LIN7A: variants seen among roughly 807,000 people sequenced by gnomAD.
LIN7A encodes lin-7 cell polarity scaffold A, also known as protein lin-7 homolog A.
Under a neutral mutation model 29.8 loss-of-function variants are expected in LIN7A, and 25 were observed. That is an observed-to-expected ratio of 0.84 (90% confidence interval 0.61 to 1.17). LIN7A has a LOEUF of 1.17. LIN7A is among the 50% of genes most tolerant of loss of function. The pLI, the probability that LIN7A is intolerant of heterozygous loss-of-function variation, is 0.00. For synonymous variants in LIN7A, 118 were observed against 107.5 expected (o/e 1.10, Z -0.60); for missense variants, 239 against 287.0 (o/e 0.83, Z 1.21).
At chr12:80,852,534 A>G (rs998468249) in intron 2 of LIN7A, among the ~76,000 whole-genome samples, 16 of 152,324 alleles carry the variant, frequency 1.1e-4, no homozygotes, top group African/African-American at 3.8e-4. Flanking sequence ...TTCACAAACC[A>G]TAACCCATTA....
At chr12:80,920,454 T>C (rs1265190499) in intron 1 of LIN7A, among the ~76,000 whole-genome samples, 3 of 152,172 alleles carry the variant, frequency 2.0e-5, no homozygotes, top group Non-Finnish European at 4.4e-5. Context: ...AAGTATATTG[T>C]TGGTTGTAAG....
Position 80,926,927 on chromosome 12 carries a change from CAAAAAAAAAA to C in LIN7A, c.82+10704_82+10713del, listed in dbSNP as rs35483715. Among the ~76,000 whole-genome samples, 10 of 55,902 alleles carry C rather than the reference CAAAAAAAAAA, an allele frequency of 1.8e-4. No homozygotes were observed. The East Asian group carries it at 2.8e-3, about 16-fold the overall frequency. 36.7% of individuals were successfully genotyped at this position (55,902 alleles called of 152,430 possible). ...TGGGAGACAGTGCGAGACTCCATCT[CAAAAAAAAAA>C]AAAAAAAAAAAAAAATTGACATTGG... On this transcript the variant is annotated intron_variant, in intron 1 of 5. Coordinates refer to ENST00000552864, the MANE Select transcript of LIN7A (RefSeq NM_004664.4).
At chr12:80,903,775 A>G (rs1592938662) in intron 1 of LIN7A, among the ~76,000 whole-genome samples, 1 of 152,066 alleles carries the variant, frequency 6.6e-6, no homozygotes, top group Admixed American at 6.5e-5. Context: ...ACTGTTTTCC[A>G]TAGAAGCTGT....
chr12:80,864,358 G>GA (rs149057356), intron 2 of LIN7A, among the ~76,000 whole-genome samples: 5,193 of 146,546 alleles, frequency 0.035, 115 homozygotes, highest in African/African-American at 0.051. Flanking sequence ...CTTTATTGCT[G>GA]AAAAAAAAAA....
chr12:80,921,682 T>C (rs1877317234), intron 1 of LIN7A, among the ~76,000 whole-genome samples: 4 of 152,030 alleles, frequency 2.6e-5, no homozygotes, highest in Admixed American at 2.6e-4. Context: ...TCAAGTACCA[T>C]CACATTAGGG....
intron 1 of LIN7A, among the ~76,000 whole-genome samples, chr12:80,893,698 A>C (rs868285083): frequency 6.6e-6 from 1 of 152,336 alleles, no homozygotes; most frequent in African/African-American, 2.4e-5. Context: ...GGCATGCCTG[A>C]AAGAAGGGAG....
intron 5 of LIN7A, among the ~76,000 whole-genome samples, chr12:80,799,622 A>G (rs569201842): frequency 6.6e-6 from 1 of 152,340 alleles, no homozygotes; most frequent in South Asian, 2.1e-4. Context: ...AAAATAAAAA[A>G]TAAAAATGTT....
chr12:80,860,824 G>T (rs2120403524), intron 2 of LIN7A: 1 of 152,302 alleles, frequency 6.6e-6, no homozygotes, highest in Middle Eastern at 3.4e-3. Flanking sequence ...ATCTTTGATT[G>T]TGGAAATGTC....
At chr12:80,799,646 G>A (rs1438717522) in intron 5 of LIN7A, among the ~76,000 whole-genome samples, 3 of 151,942 alleles carry the variant, frequency 2.0e-5, no homozygotes, top group African/African-American at 4.8e-5. Context: ...ATAAGTTGTG[G>A]GAACCAAAAA....
intron 1 of LIN7A, among the ~76,000 whole-genome samples, chr12:80,895,123 G>A (rs1875819540): frequency 6.6e-6 from 1 of 152,148 alleles, no homozygotes; most frequent in Non-Finnish European, 1.5e-5. Context: ...TAACACTGCC[G>A]AAAGCCTCAT....
intron 2 of LIN7A, among the ~76,000 whole-genome samples, chr12:80,855,674 T>G (rs150954529): frequency 1.6e-3 from 238 of 152,234 alleles, no homozygotes; most frequent in African/African-American, 5.3e-3. Flanking sequence ...TGGGGATCAT[T>G]TGAGGCTCTA....
At chr12:80,848,346 G>C in intron 2 of LIN7A, 24 bp from the exon 3 acceptor site, 1 of 1,439,410 alleles carries the variant, frequency 6.9e-7, no homozygotes, top group Non-Finnish European at 9.8e-7. Flanking sequence ...ATAAAAAGAA[G>C]AATGTGTAAG....
chr12:80,822,513 G>A (rs753662035), intron 4 of LIN7A, among the ~76,000 whole-genome samples: 33 of 152,078 alleles, frequency 2.2e-4, no homozygotes, highest in Admixed American at 1.2e-3. Context: ...AGCCAAGATC[G>A]CACCACTTCA....
chr12:80,921,875 C>T (rs1345807314), intron 1 of LIN7A, among the ~76,000 whole-genome samples: 2 of 152,156 alleles, frequency 1.3e-5, no homozygotes, highest in East Asian at 3.9e-4. Context: ...CATCCAGAGG[C>T]ATGTATCTGT....
In LIN7A at chr12:80,797,709, T is replaced by C. The variant is rs1339726925; in HGVS notation, c.*18A>G. On this transcript the variant is annotated 3_prime_UTR_variant, in exon 6 of 6. Transcript: ENST00000552864. ...TGTGACTATCGGATGTTTGATCAAGTAGCTTTCCCTCAAGGGCCTGAAAGA... is the reference window on the plus strand; with the variant it reads ...TGTGACTATCGGATGTTTGATCAAGCAGCTTTCCCTCAAGGGCCTGAAAGA... 1 of 152,618 alleles carries C rather than the reference T, an allele frequency of 6.6e-6. No individual in the cohort carries two copies. The highest frequency in any genetic ancestry group is 6.5e-5 in the Admixed American group (1 of 15,270). 9.5% of individuals were successfully genotyped at this position (152,618 alleles called of 1,614,324 possible). A position where few individuals can be genotyped will look rare whatever the true frequency, so the allele number is the denominator to read the frequency against.
chr12:80,832,306 T>C (rs1030808122), intron 4 of LIN7A, among the ~76,000 whole-genome samples: 1 of 152,136 alleles, frequency 6.6e-6, no homozygotes, highest in Admixed American at 6.5e-5. Context: ...GTGCCAGACA[T>C]GGTACCATGG....
chr12:80,811,419 G>T, intron 5 of LIN7A, 46 bp downstream of exon 5: 4 of 601,310 alleles, frequency 6.7e-6, no homozygotes, highest in Admixed American at 2.6e-5. Context: ...ATGTGTGTGT[G>T]TATATATATA....
chr12:80,795,033 A>G lies in LIN7A; in HGVS notation c.*2694T>C, dbSNP rs1870382942. 1 of 152,182 alleles carries G rather than the reference A, an allele frequency of 6.6e-6. No homozygotes were observed. Among genetic ancestry groups the G allele is most frequent in the South Asian group, 2.1e-4 (1 of 4,838 alleles). The allele number at this position is 152,182 out of a possible 1,614,324, so 9.4% of individuals were successfully genotyped here. ...TGGTGATATCGTAGAAGTTTTTTAA[A>G]TTATAACGTTTAATACCTAATTTGT... On this transcript the variant is annotated 3_prime_UTR_variant, in exon 6 of 6. Transcript: ENST00000552864.
At chr12:80,877,629 A>T (rs1256241930) in intron 2 of LIN7A, among the ~76,000 whole-genome samples, 1 of 152,190 alleles carries the variant, frequency 6.6e-6, no homozygotes, top group African/African-American at 2.4e-5. Context: ...AAGAGAGGGA[A>T]GAAGAAAGGA....
Sources: allele counts gnomAD v4.1 joint callset (sites outside exome capture counted in the v4.1 genomes callset), GRCh38; gene constraint gnomAD v4.1.1; transcripts MANE v1.5; gene names NCBI Gene and HGNC (gene_info 2026-07-23, HGNC 2026-07-21).